BCHE: variants seen among roughly 807,000 people sequenced by gnomAD.
The protein encoded by BCHE is cholinesterase.
BCHE carries 48 observed loss-of-function variants against 51.3 expected under a neutral mutation model. That is an observed-to-expected ratio of 0.94 (90% confidence interval 0.74 to 1.19). The LOEUF (loss-of-function observed/expected upper bound fraction) is 1.19. BCHE is among the 50% of genes most tolerant of loss of function. BCHE has a pLI of 0.00. For synonymous variants in BCHE, 251 were observed against 238.0 expected (o/e 1.05, Z -0.50); for missense variants, 847 against 708.2 (o/e 1.20, Z -2.23).
chr3:165,833,572 G>A (rs547598862), intron 1 of BCHE, among the ~76,000 whole-genome samples: 32 of 152,226 alleles, frequency 2.1e-4, no homozygotes, highest in African/African-American at 6.3e-4. Flanking sequence ...ATTATGTATT[G>A]TATGACTGTA....
intron 2 of BCHE, among the ~76,000 whole-genome samples, chr3:165,823,446 C>T (rs1046992489): frequency 6.6e-6 from 1 of 151,796 alleles, no homozygotes; most frequent in African/African-American, 2.4e-5. Context: ...ACAAACAAGG[C>T]AATGAATTTC....
chr3:165,820,202 T>TGG (rs34049446), intron 2 of BCHE, among the ~76,000 whole-genome samples: 13 of 151,918 alleles, frequency 8.6e-5, no homozygotes, highest in Admixed American at 7.9e-4. Flanking sequence ...TTTGCCCCTT[T>TGG]GGGGGACATC....
Position 165,773,558 on chromosome 3 carries a change from A to T in BCHE, c.1685-52T>A, listed in dbSNP as rs1712341975. On this transcript the variant is annotated intron_variant, in intron 3 of 3. Coordinates refer to ENST00000264381, the MANE Select transcript of BCHE (RefSeq NM_000055.4). Reference sequence around the variant, plus strand: ...AATCAAAATTTTTATCTGTTTCATTAACTGAAAAATAATTTCGAATACAAA... The same window carrying T: ...AATCAAAATTTTTATCTGTTTCATTTACTGAAAAATAATTTCGAATACAAA... 2.0e-6 allele frequency: 3 copies of T among 1,509,604 alleles called. No individual in the cohort carries two copies. In the South Asian group the frequency reaches 3.5e-5, roughly 17 times the overall value. The allele number at this position is 1,509,604 out of a possible 1,614,324, so 93.5% of individuals were successfully genotyped here. A position where few individuals can be genotyped will look rare whatever the true frequency, so the allele number is the denominator to read the frequency against.
intron 3 of BCHE, among the ~76,000 whole-genome samples, chr3:165,775,850 G>A (rs371759733): frequency 2.1e-4 from 32 of 151,964 alleles, no homozygotes; most frequent in African/African-American, 7.0e-4. Context: ...TGAATACACC[G>A]TAATGAGTAA....
At chr3:165,821,252 A>G (rs902041720) in intron 2 of BCHE, among the ~76,000 whole-genome samples, 2 of 151,938 alleles carry the variant, frequency 1.3e-5, no homozygotes, top group South Asian at 4.1e-4. Context: ...AGTAAATTCA[A>G]TTATAATTTG....
Position 165,786,210 on chromosome 3 carries a change from G to T in BCHE, c.1619C>A (p.Thr540Lys). The change falls in exon 3 of 4, where the codon ACG becomes AAG. Residue 540 changes from threonine to lysine, a missense_variant. By Grantham distance (78) the Thr-to-Lys change is moderately conservative. Coordinates refer to ENST00000264381, the MANE Select transcript of BCHE (RefSeq NM_000055.4). ...TCGACATTGTTGAGCACGTAGTTTC[G>T]TCATTATTCTTGTTGACTCTGTATT... is the stretch of plus-strand genomic sequence containing the variant. ...TLNTESTRIM[T>K]KLRAQQCRFW... is the part of the protein sequence containing the mutation. 6.2e-7 allele frequency: 1 copy of T among 1,612,240 alleles called. No individual in the cohort carries two copies. Among genetic ancestry groups the T allele is most frequent in the African/African-American group, 1.3e-5 (1 of 74,932 alleles).
At chr3:165,796,889 C>A (rs1025249287) in intron 2 of BCHE, among the ~76,000 whole-genome samples, 2 of 152,040 alleles carry the variant, frequency 1.3e-5, no homozygotes, top group Non-Finnish European at 2.9e-5. Flanking sequence ...TCTCTAAGAT[C>A]TTTAGTACAC....
chr3:165,806,559 CAGTT>C (rs1186353365), intron 2 of BCHE, among the ~76,000 whole-genome samples: 2 of 152,066 alleles, frequency 1.3e-5, no homozygotes, highest in Non-Finnish European at 2.9e-5. Flanking sequence ...GCCTGGCTCA[CAGTT>C]GGTGCTCAAT....
intron 2 of BCHE, among the ~76,000 whole-genome samples, 157 bp downstream of exon 2, chr3:165,829,360 A>G (rs907947598): frequency 6.6e-6 from 1 of 152,140 alleles, no homozygotes; most frequent in Non-Finnish European, 1.5e-5. Flanking sequence ...GTTGAAATGC[A>G]GTTCATAAGA....
At chr3:165,828,974 C>T (rs371514558) in intron 2 of BCHE, among the ~76,000 whole-genome samples, 31 of 152,004 alleles carry the variant, frequency 2.0e-4, no homozygotes, top group East Asian at 1.4e-3. Context: ...TCTGATCAGG[C>T]CTATTAGGAA....
intron 3 of BCHE, among the ~76,000 whole-genome samples, chr3:165,780,474 A>G (rs1443702099): frequency 1.3e-5 from 2 of 152,198 alleles, no homozygotes; most frequent in Non-Finnish European, 2.9e-5. Context: ...TGAACAGGCA[A>G]CCTACAGAAT....
chr3:165,803,940 A>G (rs1713769709), intron 2 of BCHE, among the ~76,000 whole-genome samples: 1 of 152,182 alleles, frequency 6.6e-6, no homozygotes, highest in Non-Finnish European at 1.5e-5. Flanking sequence ...GATATCACCC[A>G]TGGAATAAAC....
chr3:165,830,341 T>A lies in BCHE; in HGVS notation c.693A>T (p.Ser231=), dbSNP rs751675958. Residue 231 remains serine, a synonymous_variant, in exon 2 of 4, where the codon TCA becomes TCT. Transcript: ENST00000264381. ...CAGGAGAAAGCAAATGCAGGCTAACTGAAGCTGCTCCTGCACTTTCTCCAA... is the reference window on the plus strand; with the variant it reads ...CAGGAGAAAGCAAATGCAGGCTAACAGAAGCTGCTCCTGCACTTTCTCCAA... ...TLFGESAGAA[S]VSLHLLSPGS... The A allele has an allele frequency of 6.2e-7, 1 of 1,613,906 alleles. No individual in the cohort carries two copies. The highest frequency in any genetic ancestry group is 8.5e-7 in the Non-Finnish European group (1 of 1,179,952).
chr3:165,828,091 G>C (rs752877210), intron 2 of BCHE: 1 of 455,332 alleles, frequency 2.2e-6, no homozygotes, highest in South Asian at 1.6e-5. Flanking sequence ...AGAGGAAATA[G>C]ACAAGTTACA....
chr3:165,806,330 C>A (rs1194813163), intron 2 of BCHE, among the ~76,000 whole-genome samples: 1 of 152,080 alleles, frequency 6.6e-6, no homozygotes, highest in Non-Finnish European at 1.5e-5. Context: ...CTTTTTATTT[C>A]TTTAAGAAAG....
chr3:165,783,839 A>T (rs1226448160), intron 3 of BCHE, among the ~76,000 whole-genome samples: 1 of 152,042 alleles, frequency 6.6e-6, no homozygotes, highest in Non-Finnish European at 1.5e-5. Flanking sequence ...TGAATTTGAT[A>T]ACATTTGAAA....
At chr3:165,813,014 T>A (rs1428344170) in intron 2 of BCHE, among the ~76,000 whole-genome samples, 1 of 151,818 alleles carries the variant, frequency 6.6e-6, no homozygotes, top group Non-Finnish European at 1.5e-5. Context: ...AATTACTCTA[T>A]CATCATTACT....
chr3:165,829,842 G>T lies in BCHE; in HGVS notation c.1192C>A (p.Leu398Ile), dbSNP rs779828972. The T allele has an allele frequency of 2.5e-6, 4 of 1,612,728 alleles. No individual in the cohort carries two copies. Among genetic ancestry groups the T allele is most frequent in the Admixed American group, 1.7e-5 (1 of 59,774 alleles). The change falls in exon 2 of 4, where the codon CTT becomes ATT. Residue 398 changes from leucine to isoleucine, a missense_variant. Transcript: ENST00000264381. ...TCTACCCAGTCTGTGTAATGAAAAA[G>T]GATGGATTCCTTTCCAAACTCACTC... Reference protein sequence around the residue: ...GVSEFGKESILFHYTDWVDDQ... With the variant: ...GVSEFGKESIIFHYTDWVDDQ...
At chr3:165,812,270 A>G (rs1177379625) in intron 2 of BCHE, among the ~76,000 whole-genome samples, 5 of 122,282 alleles carry the variant, frequency 4.1e-5, no homozygotes, top group Admixed American at 9.6e-5. Context: ...AAAAAAATGG[A>G]TCTCATGAGT....
Sources: allele counts gnomAD v4.1 joint callset (sites outside exome capture counted in the v4.1 genomes callset), GRCh38; gene constraint gnomAD v4.1.1; transcripts MANE v1.5; gene names NCBI Gene and HGNC (gene_info 2026-07-23, HGNC 2026-07-21).